Variants in P3H2 observed in about 807,000 individuals in gnomAD.
The protein encoded by P3H2 is leprecan-like 1.
A neutral mutation model predicts 87.0 loss-of-function variants in P3H2; 80 were observed. The observed-to-expected ratio is 0.92, with a 90% CI of 0.77 to 1.11. The LOEUF is 1.11. Ranked by LOEUF, P3H2 falls within the 50% of genes least tolerant of loss-of-function variation. P3H2 has a pLI of 0.00. For synonymous variants in P3H2, 367 were observed against 359.3 expected, an observed-to-expected ratio of 1.02 and a Z score of -0.24; for missense variants, 1,001 against 923.9, an observed-to-expected ratio of 1.08 and a Z score of -1.08.
chr3:190,083,419 ACT>A (rs1679936906), intron 1 of P3H2, among the ~76,000 whole-genome samples: 1 of 152,194 alleles, frequency 6.6e-6, no homozygotes, highest in South Asian at 2.1e-4. Flanking sequence ...TTGGCTAAAA[ACT>A]ACAGCCTATA....
chr3:190,110,665 T>TA (rs1483521688), intron 1 of P3H2, among the ~76,000 whole-genome samples: 1 of 152,214 alleles, frequency 6.6e-6, no homozygotes, highest in African/African-American at 2.4e-5. Context: ...AGCTCATTTT[T>TA]AAAAAACAGC....
chr3:189,979,722 G>A (rs1475910896), intron 8 of P3H2, among the ~76,000 whole-genome samples: 1 of 152,040 alleles, frequency 6.6e-6, no homozygotes, highest in Non-Finnish European at 1.5e-5. Flanking sequence ...AGCACTTTGA[G>A]AGCCCAAGGC....
intron 8 of P3H2, among the ~76,000 whole-genome samples, chr3:189,979,469 A>T (rs1196093123): frequency 6.6e-6 from 1 of 152,078 alleles, no homozygotes; most frequent in African/African-American, 2.4e-5. Context: ...TTACCATCTT[A>T]AAACAGTTAC....
chr3:190,028,253 A>C (rs1483994314), intron 1 of P3H2, among the ~76,000 whole-genome samples: 1 of 152,226 alleles, frequency 6.6e-6, no homozygotes, highest in Non-Finnish European at 1.5e-5. Context: ...GAGAAATAGC[A>C]AAGCCATTCT....
At position 190,093,195 on chromosome 3, in the gene P3H2, T is replaced by G. The variant is rs116775944; in HGVS notation, c.480+27057A>C. 2.1e-3 allele frequency among the ~76,000 whole-genome samples: 319 copies of G among 152,352 alleles called. 1 individual carries two copies. The highest frequency in any genetic ancestry group is 7.4e-3 in the African/African-American group (308 of 41,586). ...AACTCTAAAACCTTAGTTGTGATCA[T>G]GCAGTGCGAATACATAGTAGACGGC... On this transcript the variant is annotated intron_variant, in intron 1 of 14. Coordinates refer to ENST00000319332, the MANE Select transcript of P3H2 (RefSeq NM_018192.4).
intron 1 of P3H2, among the ~76,000 whole-genome samples, chr3:190,039,045 C>T (rs925308343): frequency 2.0e-5 from 3 of 152,074 alleles, no homozygotes; most frequent in Middle Eastern, 3.4e-3. Context: ...CAAAATTAGC[C>T]GGGCGAGGTG....
chr3:190,111,200 TAAG>T (rs1274464480), intron 1 of P3H2, among the ~76,000 whole-genome samples: 7 of 152,224 alleles, frequency 4.6e-5, no homozygotes, highest in Admixed American at 2.0e-4. Context: ...TAACATTGCA[TAAG>T]AAGATTGCAG....
chr3:190,107,519 T>C (rs1342845470), intron 1 of P3H2, among the ~76,000 whole-genome samples: 1 of 152,164 alleles, frequency 6.6e-6, no homozygotes, highest in African/African-American at 2.4e-5. Flanking sequence ...ATCAACCCTA[T>C]GAGTTGAGCA....
intron 1 of P3H2, among the ~76,000 whole-genome samples, chr3:190,086,476 C>A (rs1577316506): frequency 6.6e-6 from 1 of 152,172 alleles, no homozygotes; most frequent in East Asian, 1.9e-4. Flanking sequence ...GGATTCCTTA[C>A]CCTGCATATA....
chr3:189,980,549 C>T (rs9852067), intron 8 of P3H2, among the ~76,000 whole-genome samples: 2,202 of 150,596 alleles, frequency 0.015, 42 homozygotes, highest in African/African-American at 0.044. Context: ...GGGGACAGAG[C>T]GAGACTCCAT....
intron 1 of P3H2, among the ~76,000 whole-genome samples, chr3:190,056,553 T>G (rs1726160895): frequency 6.6e-6 from 1 of 152,228 alleles, no homozygotes; most frequent in South Asian, 2.1e-4. Flanking sequence ...GGACTCTTTC[T>G]GAAAAGCCAA....
chr3:189,964,051 T>A lies in P3H2; in HGVS notation c.1941A>T (p.Gly647=), dbSNP rs1386691520. Residue 647 remains glycine (G), a synonymous_variant, in exon 14 of 15, where the codon GGA becomes GGT. Transcript: ENST00000319332. The part of the protein sequence containing the change: ...KCGRMISFSS[G]GENPHGVKAV... ...CCTTCACCCCATGAGGGTTCTCTCC[T>A]CCAGATGAGAAGCTGATCATGCGCC... 3.1e-6 allele frequency: 5 copies of A among 1,614,116 alleles called. No individual in the cohort carries two copies. In the East Asian group the frequency reaches 8.9e-5, roughly 29 times the overall value.
intron 1 of P3H2, among the ~76,000 whole-genome samples, chr3:190,005,535 T>C (rs1380808890): frequency 6.6e-6 from 1 of 152,238 alleles, no homozygotes; most frequent in Non-Finnish European, 1.5e-5. Context: ...CATTTTGTGT[T>C]TATGAAACAA....
Position 190,120,782 on chromosome 3 carries a change from C to T in P3H2, c.-51G>A, listed in dbSNP as rs1712549283. The stretch of plus-strand genomic sequence containing the variant: ...GGTTACGCTCGAGAGGGCTTCGGGG[C>T]ACCTCGCGTCCGGGTCCCCTCTCCC... On this transcript the variant is annotated 5_prime_UTR_variant, in exon 1 of 15. Coordinates refer to ENST00000319332, the MANE Select transcript of P3H2 (RefSeq NM_018192.4). 1 of 1,501,716 alleles carries T rather than the reference C, an allele frequency of 6.7e-7. No homozygotes were observed. The highest frequency in any genetic ancestry group is 2.7e-5 in the East Asian group (1 of 37,256). 93.0% of individuals were successfully genotyped at this position (1,501,716 alleles called of 1,614,324 possible). A position where few individuals can be genotyped will look rare whatever the true frequency, so the allele number is the denominator to read the frequency against.
chr3:190,092,909 C>T (rs1339897653), intron 1 of P3H2, among the ~76,000 whole-genome samples: 3 of 152,130 alleles, frequency 2.0e-5, no homozygotes, highest in African/African-American at 7.2e-5. Flanking sequence ...CAATTCTGAT[C>T]CCCTTCCTTT....
intron 13 of P3H2, among the ~76,000 whole-genome samples, chr3:189,968,182 T>G (rs1432975612): frequency 6.6e-6 from 1 of 152,192 alleles, no homozygotes; most frequent in Admixed American, 6.5e-5. Context: ...GTTACATAGG[T>G]GTACATGTGC....
At chr3:190,026,745 T>C (rs1485657986) in intron 1 of P3H2, among the ~76,000 whole-genome samples, 1 of 152,210 alleles carries the variant, frequency 6.6e-6, no homozygotes, top group East Asian at 1.9e-4. Flanking sequence ...GAATTCTTTC[T>C]TGCGGGAGAT....
intron 11 of P3H2, 149 bp downstream of exon 11, chr3:189,972,725 C>A: frequency 1.3e-6 from 1 of 777,702 alleles, no homozygotes; most frequent in Non-Finnish European, 2.2e-6. Flanking sequence ...AAGAAAGAAG[C>A]AGAATAAGAG....
intron 8 of P3H2, 138 bp downstream of exon 8, chr3:189,982,908 C>A: frequency 1.5e-6 from 1 of 683,810 alleles, no homozygotes; most frequent in Non-Finnish European, 2.6e-6. Flanking sequence ...TGCTTTCAGA[C>A]TATTAGGGAG....
Sources: gnomAD v4.1 joint callset for allele counts (sites outside exome capture counted in the v4.1 genomes callset) on GRCh38, gnomAD v4.1.1 for gene constraint, MANE v1.5 for transcripts, NCBI Gene and HGNC (gene_info 2026-07-23, HGNC 2026-07-21) for gene names.